The following MCF2L2 variants were observed in gnomAD, a reference collection of about 807,000 sequenced individuals.
The protein encoded by MCF2L2 is probable guanine nucleotide exchange factor MCF2L2.
In MCF2L2, 102 loss-of-function variants were observed where a neutral mutation model predicts 150.2. That is an observed-to-expected ratio of 0.68 (90% CI 0.58 to 0.80). The LOEUF (loss-of-function observed/expected upper bound fraction) is 0.80, where lower values mean the gene tolerates loss of function less well. Ranked by LOEUF, MCF2L2 falls within the 30% of genes least tolerant of loss-of-function variation. The pLI is 0.00. For missense variants in MCF2L2, 1,256 were observed against 1,372.8 expected (o/e 0.91, Z 1.34); for synonymous variants, 465 against 491.3 (o/e 0.95, Z 0.71).
At chr3:183,413,072 C>A (rs1036900564) in intron 1 of MCF2L2, among the ~76,000 whole-genome samples, 1 of 152,130 alleles carries the variant, frequency 6.6e-6, no homozygotes, top group African/African-American at 2.4e-5. Flanking sequence ...TAGGAAAAAT[C>A]CCACTTGATC....
chr3:183,289,198 T>C lies in MCF2L2; in HGVS notation c.1698A>G (p.Arg566=). 1.9e-6 allele frequency: 3 copies of C among 1,613,640 alleles called. No homozygotes were observed. Among genetic ancestry groups the C allele is most frequent in the East Asian group, 2.2e-5 (1 of 44,880 alleles). The change falls in exon 14 of 30, where the codon AGA becomes AGG. Residue 566 remains arginine (R), a synonymous_variant. Coordinates refer to ENST00000328913, the MANE Select transcript of MCF2L2 (RefSeq NM_015078.4). ...TCTCCGTATAAGGTTCCTCAGACGT[T>C]CTCAGAGGACGAGCTAGAGGGACTA... ...STSVPLARPL[R]TSEEPYTETE...
intron 3 of MCF2L2, among the ~76,000 whole-genome samples, chr3:183,346,392 G>A (rs1485336554): frequency 7.9e-5 from 12 of 152,154 alleles, no homozygotes; most frequent in Non-Finnish European, 1.6e-4. Context: ...CCATAAAGTA[G>A]GTATTGATGG....
At chr3:183,404,974 C>T (rs948692212) in intron 1 of MCF2L2, among the ~76,000 whole-genome samples, 5 of 151,914 alleles carry the variant, frequency 3.3e-5, no homozygotes, top group East Asian at 1.9e-4. Flanking sequence ...ATATGAACAA[C>T]GTAATTTATG....
intron 5 of MCF2L2, among the ~76,000 whole-genome samples, chr3:183,336,613 T>C (rs1730491657): frequency 6.6e-6 from 1 of 151,844 alleles, no homozygotes; most frequent in Non-Finnish European, 1.5e-5. Context: ...TTTGGGAGGC[T>C]GAGGTGGGTG....
chr3:183,262,758 C>T (rs541201361), intron 15 of MCF2L2, among the ~76,000 whole-genome samples: 3 of 151,900 alleles, frequency 2.0e-5, no homozygotes, highest in Non-Finnish European at 2.9e-5. Flanking sequence ...TTAGCATGGC[C>T]GCTGAAGAGA....
chr3:183,419,827 C>T (rs1715786883), intron 1 of MCF2L2, among the ~76,000 whole-genome samples: 2 of 152,148 alleles, frequency 1.3e-5, no homozygotes, highest in African/African-American at 2.4e-5. Context: ...GAGCTGAGAT[C>T]GTGCCACTGC....
Position 183,362,887 on chromosome 3 carries a change from C to T in MCF2L2, c.275+16410G>A, listed in dbSNP as rs187631958. Among the ~76,000 whole-genome samples the T allele has an allele frequency of 2.2e-3, 335 of 152,158 alleles. 4 individuals carry two copies. Among genetic ancestry groups the T allele is most frequent in the Non-Finnish European group, 1.8e-3 (121 of 67,990 alleles). On this transcript the variant is annotated intron_variant, in intron 3 of 29. Coordinates refer to ENST00000328913, the MANE Select transcript of MCF2L2 (RefSeq NM_015078.4). ...AATAAGAAGACGACACATTTCTTTA[C>T]GTCTTTATATCTTATAAAGAAATGT...
At position 183,300,017 on chromosome 3, in the gene MCF2L2, T is replaced by C; in HGVS notation, c.1293A>G (p.Arg431=). 1 of 1,613,038 alleles carries C rather than the reference T, an allele frequency of 6.2e-7. No homozygotes were observed. Among genetic ancestry groups the C allele is most frequent in the Non-Finnish European group, 8.5e-7 (1 of 1,179,724 alleles). ...DILGKSLEFH[R]QLDKVSQWCE... Reference sequence around the variant, plus strand: ...GTGTTTTGCTCACCTTGTCCAGCTGTCTATGAAACTCTAAGGACTTTCCTA... The same window carrying C: ...GTGTTTTGCTCACCTTGTCCAGCTGCCTATGAAACTCTAAGGACTTTCCTA... Residue 431 remains arginine (R), a synonymous_variant, in exon 11 of 30, where the codon AGA becomes AGG. Coordinates refer to ENST00000328913, the MANE Select transcript of MCF2L2 (RefSeq NM_015078.4).
intron 1 of MCF2L2, among the ~76,000 whole-genome samples, chr3:183,391,700 C>T (rs554097883): frequency 4.6e-4 from 70 of 152,142 alleles, no homozygotes; most frequent in Non-Finnish European, 8.8e-4. Context: ...TTACATAATT[C>T]TCTTGCTACG....
At chr3:183,189,787 C>T (rs567948715) in intron 27 of MCF2L2, among the ~76,000 whole-genome samples, 7 of 152,298 alleles carry the variant, frequency 4.6e-5, no homozygotes, top group South Asian at 2.1e-4. Context: ...TAGTACAAGG[C>T]GAAGTAGGCC....
chr3:183,241,670 A>G (rs544603403), intron 15 of MCF2L2, among the ~76,000 whole-genome samples: 9 of 152,316 alleles, frequency 5.9e-5, no homozygotes, highest in African/African-American at 2.2e-4. Flanking sequence ...AGTCTCAGCT[A>G]TGTCTTTATT....
intron 1 of MCF2L2, among the ~76,000 whole-genome samples, chr3:183,406,691 A>T (rs1715061738): frequency 6.6e-6 from 1 of 151,938 alleles, no homozygotes; most frequent in African/African-American, 2.4e-5. Context: ...GTTTCACCAC[A>T]TTGGCCAGGC....
At chr3:183,358,397 T>A (rs1711919080) in intron 3 of MCF2L2, among the ~76,000 whole-genome samples, 1 of 152,162 alleles carries the variant, frequency 6.6e-6, no homozygotes, top group South Asian at 2.1e-4. Context: ...AAACTGTTGA[T>A]GCTCCATGCT....
intron 1 of MCF2L2, among the ~76,000 whole-genome samples, chr3:183,399,636 C>T (rs140275658): frequency 0.011 from 1,655 of 152,322 alleles, 14 homozygotes; most frequent in Non-Finnish European, 0.018. Context: ...GACCATCAGT[C>T]TGTTATCAGT....
At chr3:183,196,777 C>T (rs1466857144) in intron 25 of MCF2L2, among the ~76,000 whole-genome samples, 2 of 152,146 alleles carry the variant, frequency 1.3e-5, no homozygotes, top group Non-Finnish European at 2.9e-5. Flanking sequence ...CACCTCTGGG[C>T]CTTTCAGTTC....
At chr3:183,391,005 G>A (rs1437930468) in intron 1 of MCF2L2, among the ~76,000 whole-genome samples, 1 of 152,202 alleles carries the variant, frequency 6.6e-6, no homozygotes, top group East Asian at 1.9e-4. Flanking sequence ...CAAACAACCT[G>A]TGCTCTGATG....
chr3:183,247,475 G>A (rs1173249761), intron 15 of MCF2L2, among the ~76,000 whole-genome samples: 6 of 152,152 alleles, frequency 3.9e-5, no homozygotes, highest in African/African-American at 9.7e-5. Flanking sequence ...CTAGAATACA[G>A]CGGATAGGAA....
chr3:183,343,809 G>C (rs1259773936), intron 3 of MCF2L2, among the ~76,000 whole-genome samples: 35 of 152,138 alleles, frequency 2.3e-4, no homozygotes, highest in Admixed American at 2.3e-3. Context: ...AAATAACACA[G>C]TATTATTATA....
chr3:183,203,873 C>G (rs1722382138), intron 25 of MCF2L2, among the ~76,000 whole-genome samples: 1 of 152,180 alleles, frequency 6.6e-6, no homozygotes, highest in South Asian at 2.1e-4. Context: ...ATAAGATTAA[C>G]AGCTGATTTC....
Sources: allele counts gnomAD v4.1 joint callset (sites outside exome capture counted in the v4.1 genomes callset), GRCh38; gene constraint gnomAD v4.1.1; transcripts MANE v1.5; gene names NCBI Gene and HGNC (gene_info 2026-07-23, HGNC 2026-07-21).